Variants in TNRC18 observed in about 807,000 individuals in gnomAD.
TNRC18 encodes trinucleotide repeat-containing gene 18 protein.
A neutral mutation model predicts 226.7 loss-of-function variants in TNRC18; 69 were observed. The ratio of observed to expected loss-of-function variants is 0.30; its 90% CI spans 0.25 to 0.37. The LOEUF is 0.37. TNRC18 is among the 10% of genes least tolerant of loss of function. The pLI, the probability that TNRC18 is intolerant of heterozygous loss-of-function variation, is 1.00. For synonymous variants in TNRC18, 2,449 were observed against 1,927.6 expected (o/e 1.27, Z -7.09); for missense variants, 4,754 against 4,256.6 (o/e 1.12, Z -3.25).
chr7:5,344,518 G>C (rs1266438803), intron 18 of TNRC18, among the ~76,000 whole-genome samples: 2 of 152,176 alleles, frequency 1.3e-5, no homozygotes, highest in Non-Finnish European at 1.5e-5. Context: ...CCACAAATGG[G>C]GTTCCAAGAC....
rs1786695893 is a variant in TNRC18, at chr7:5,307,763, C to T, written c.*343G>A. ...CCAGTCTGCATGGACCTGGGGGCAC[C>T]CGGGCCCCCACGCAGCAGCAGCCTG... On this transcript the variant is annotated 3_prime_UTR_variant, in exon 30 of 30. Coordinates refer to ENST00000430969, the MANE Select transcript of TNRC18 (RefSeq NM_001080495.3). 5 of 380,882 alleles carry T rather than the reference C, an allele frequency of 1.3e-5. No individual in the cohort carries two copies. Among genetic ancestry groups the T allele is most frequent in the South Asian group, 9.0e-5 (4 of 44,522 alleles). 23.6% of individuals were successfully genotyped at this position (380,882 alleles called of 1,614,324 possible).
At chr7:5,402,784 A>T (rs1309786907) in intron 2 of TNRC18, among the ~76,000 whole-genome samples, 2 of 151,768 alleles carry the variant, frequency 1.3e-5, no homozygotes, top group Non-Finnish European at 2.9e-5. Context: ...AACCCAGGAG[A>T]CAGAAGTTGC....
At chr7:5,367,992 A>G (rs1000434397) in intron 11 of TNRC18, among the ~76,000 whole-genome samples, 2 of 151,586 alleles carry the variant, frequency 1.3e-5, no homozygotes, top group African/African-American at 4.9e-5. Context: ...CAGGCAAATC[A>G]GAGATACGGA....
intron 29 of TNRC18, 24 bp from the exon 30 acceptor site, chr7:5,308,336 G>C: frequency 6.3e-7 from 1 of 1,590,530 alleles, no homozygotes; most frequent in South Asian, 1.1e-5. Context: ...GGGATATCAG[G>C]ATGGCAGGTG....
At chr7:5,422,051 G>A (rs1782618584) in intron 1 of TNRC18, among the ~76,000 whole-genome samples, 1 of 152,110 alleles carries the variant, frequency 6.6e-6, no homozygotes, top group South Asian at 2.1e-4. Flanking sequence ...TGGGAGGAGG[G>A]AGGGTCCAAA....
At chr7:5,356,382 G>C (rs1325388752) in intron 16 of TNRC18, among the ~76,000 whole-genome samples, 1 of 152,090 alleles carries the variant, frequency 6.6e-6, no homozygotes, top group Admixed American at 6.6e-5. Context: ...TAACGCCAAT[G>C]AACCCCTGCA....
At chr7:5,415,212 C>G (rs572074779) in intron 2 of TNRC18, among the ~76,000 whole-genome samples, 52 of 152,092 alleles carry the variant, frequency 3.4e-4, no homozygotes, top group African/African-American at 1.2e-3. Context: ...CTTTTGTGTT[C>G]CGTCCACCTT....
chr7:5,320,688 TC>T, intron 22 of TNRC18, 81 bp from the exon 23 acceptor site: 1 of 1,209,350 alleles, frequency 8.3e-7, no homozygotes, highest in Admixed American at 2.1e-5. Context: ...CAGCACTGCC[TC>T]CTAGACCACT....
In TNRC18 at chr7:5,307,569, G is replaced by A; in HGVS notation, c.*537C>T. ...GTTCCCCAAGTCTAGGCCATCCTGA[G>A]AGGGTGGGGGCAGGGCCCCTGGCAC... On this transcript the variant is annotated 3_prime_UTR_variant, in exon 30 of 30. Transcript: ENST00000430969. The A allele has an allele frequency of 2.2e-6, 1 of 450,050 alleles. No individual in the cohort carries two copies. The highest frequency in any genetic ancestry group is 4.5e-6 in the Non-Finnish European group (1 of 224,238). The allele number at this position is 450,050 out of a possible 1,614,324, so 27.9% of individuals were successfully genotyped here.
intron 19 of TNRC18, among the ~76,000 whole-genome samples, chr7:5,327,382 T>C (rs369149497): frequency 0.14 from 14,978 of 106,676 alleles, 801 homozygotes; most frequent in East Asian, 0.22. Context: ...CGTGTGTGTG[T>C]GTGTGTGTGT....
intron 24 of TNRC18, among the ~76,000 whole-genome samples, chr7:5,319,978 T>C (rs1231260513): frequency 6.6e-6 from 1 of 152,170 alleles, no homozygotes; most frequent in African/African-American, 2.4e-5. Flanking sequence ...ATGAAAACCA[T>C]GTGGCCCAAG....
At position 5,309,017 on chromosome 7, in the gene TNRC18, G is replaced by A. The variant is rs532251151; in HGVS notation, c.8626-68C>T. ...TGCTGCACCCGACCCCAGGCCCCAG[G>A]ACAGGGCTGACCCACTGGGCAGGGC... is the stretch of plus-strand genomic sequence containing the variant. On this transcript the variant is annotated intron_variant, in intron 28 of 29. Transcript: ENST00000430969. This position sits in a 1 kb window ranked among gnomAD's most constrained non-coding sequence, Gnocchi z 5.7. 2.5e-5 allele frequency: 39 copies of A among 1,535,452 alleles called. No individual in the cohort carries two copies. The South Asian group carries it at 3.9e-4, about 15-fold the overall frequency.
At chr7:5,352,687 C>T (rs1791950156) in intron 16 of TNRC18, among the ~76,000 whole-genome samples, 1 of 152,278 alleles carries the variant, frequency 6.6e-6, no homozygotes, top group African/African-American at 2.4e-5. Flanking sequence ...CCCACCACTG[C>T]TGGCTTCCCC....
chr7:5,410,895 A>G (rs912111283), intron 2 of TNRC18, among the ~76,000 whole-genome samples: 2 of 149,234 alleles, frequency 1.3e-5, no homozygotes, highest in Non-Finnish European at 3.0e-5. Flanking sequence ...GGGAAGAGAA[A>G]AGAGAAGAGG....
chr7:5,312,644 G>C lies in TNRC18; in HGVS notation c.8247C>G (p.Pro2749=). Residue 2749 remains proline, a synonymous_variant, in exon 27 of 30, where the codon CCC becomes CCG. Coordinates refer to ENST00000430969, the MANE Select transcript of TNRC18 (RefSeq NM_001080495.3). This position sits in a 1 kb window ranked among gnomAD's most constrained non-coding sequence, Gnocchi z 6.3. ...GGAGGTGGACGCCCTCTCTCTTCTT[G>C]GGTCGGCTCTTGGCCCCGGCCTGAG... ...PKAQAGAKSR[P]KKREGVHLPT... The C allele has an allele frequency of 1.2e-6, 2 of 1,609,428 alleles. No individual in the cohort carries two copies. The highest frequency in any genetic ancestry group is 2.2e-5 in the East Asian group (1 of 44,826).
intron 18 of TNRC18, 45 bp downstream of exon 18, chr7:5,345,517 G>GGGGC: frequency 2.6e-6 from 1 of 377,744 alleles, no homozygotes; most frequent in Non-Finnish European, 4.8e-6. Flanking sequence ...AATGGCGTCC[G>GGGGC]CCCCTCCCAC....
chr7:5,418,935 G>A (rs896659218), intron 2 of TNRC18, among the ~76,000 whole-genome samples: 10 of 152,226 alleles, frequency 6.6e-5, no homozygotes, highest in Non-Finnish European at 1.5e-4. Flanking sequence ...CGAAGTGGGG[G>A]AGGGGGACAG....
intron 5 of TNRC18, among the ~76,000 whole-genome samples, chr7:5,381,177 C>A (rs909951518): frequency 6.6e-6 from 1 of 152,230 alleles, no homozygotes. Context: ...TTGCTCCCTG[C>A]AAATGTGGTT....
At chr7:5,321,837 A>C (rs1212370619) in intron 21 of TNRC18, among the ~76,000 whole-genome samples, 1 of 151,396 alleles carries the variant, frequency 6.6e-6, no homozygotes, top group Non-Finnish European at 1.5e-5. Context: ...AGGCCCGGCT[A>C]ATTTTTGTAT....
Sources: gnomAD v4.1 joint callset for allele counts (sites outside exome capture counted in the v4.1 genomes callset) on GRCh38, gnomAD v4.1.1 for gene constraint, Gnocchi (gnomAD v3.1) non-coding constraint, MANE v1.5 for transcripts, NCBI Gene and HGNC (gene_info 2026-07-23, HGNC 2026-07-21) for gene names.